The following NCAPD3 variants were observed in gnomAD, a reference collection of about 807,000 sequenced individuals.
The protein encoded by NCAPD3 is condensin-2 complex subunit D3.
A neutral mutation model predicts 182.9 loss-of-function variants in NCAPD3; 105 were observed. The ratio of observed to expected loss-of-function variants is 0.57; its 90% confidence interval spans 0.49 to 0.68. The LOEUF is 0.68. NCAPD3 is among the 30% of genes least tolerant of loss of function. The pLI is 0.00. For synonymous variants in NCAPD3, 815 were observed against 679.9 expected (o/e 1.20, Z -3.09); for missense variants, 1,944 against 1,837.0 (o/e 1.06, Z -1.07).
chr11:134,222,633 G>A (rs1247686852), intron 1 of NCAPD3, among the ~76,000 whole-genome samples: 1 of 152,186 alleles, frequency 6.6e-6, no homozygotes, highest in African/African-American at 2.4e-5. Flanking sequence ...TAAAATAATA[G>A]ATATGTAAAA....
At chr11:134,177,644 A>C in intron 22 of NCAPD3, 187 bp from the exon 23 acceptor site, 1 of 594,110 alleles carries the variant, frequency 1.7e-6, no homozygotes. Flanking sequence ...AAAAATACCT[A>C]AGGAGAAATA....
chr11:134,155,617 A>G (rs964970833), intron 32 of NCAPD3, among the ~76,000 whole-genome samples: 1 of 152,172 alleles, frequency 6.6e-6, no homozygotes, highest in Non-Finnish European at 1.5e-5. Flanking sequence ...AGCTGCTAGG[A>G]AACAACCCAA....
intron 3 of NCAPD3, among the ~76,000 whole-genome samples, chr11:134,213,310 T>C (rs1373251380): frequency 6.6e-6 from 1 of 151,596 alleles, no homozygotes; most frequent in African/African-American, 2.4e-5. Flanking sequence ...GGTGACAGAC[T>C]GAGACCCTGG....
chr11:134,159,059 A>G (rs1198169911), intron 29 of NCAPD3, among the ~76,000 whole-genome samples: 1 of 152,236 alleles, frequency 6.6e-6, no homozygotes, highest in East Asian at 1.9e-4. Flanking sequence ...TTTCTTTACC[A>G]TTCATCCACT....
At chr11:134,153,266 C>A in intron 33 of NCAPD3, 23 bp downstream of exon 33, 4 of 1,614,010 alleles carry the variant, frequency 2.5e-6, no homozygotes, top group Middle Eastern at 1.6e-4. Flanking sequence ...ATCTATCAGC[C>A]CAGAAGGACA....
chr11:134,206,054 A>G (rs1937606268), intron 8 of NCAPD3, among the ~76,000 whole-genome samples: 1 of 152,216 alleles, frequency 6.6e-6, no homozygotes, highest in Non-Finnish European at 1.5e-5. Flanking sequence ...CAGTGAAACT[A>G]AGGCATGAGA....
chr11:134,154,907 G>A (rs1202514920), intron 32 of NCAPD3, among the ~76,000 whole-genome samples: 3 of 152,206 alleles, frequency 2.0e-5, no homozygotes, highest in Non-Finnish European at 4.4e-5. Context: ...ATCACTGCTA[G>A]ATCTGCTTAT....
At chr11:134,167,618 TGGG>T (rs1328408997) in intron 27 of NCAPD3, among the ~76,000 whole-genome samples, 1 of 69,690 alleles carries the variant, frequency 1.4e-5, no homozygotes, top group Non-Finnish European at 2.6e-5. Context: ...GAGATGAGCT[TGGG>T]GGAGGGGCAC....
At chr11:134,200,860 G>C (rs896455628) in intron 13 of NCAPD3, among the ~76,000 whole-genome samples, 1 of 152,100 alleles carries the variant, frequency 6.6e-6, no homozygotes, top group African/African-American at 2.4e-5. Flanking sequence ...TAAACAAAAT[G>C]TGGTGTATCC....
At position 134,152,766 on chromosome 11, in the gene NCAPD3, C is replaced by T. The variant is rs1419239522; in HGVS notation, c.*178G>A. ...ATCTCTATTATTTGACAGTGTTTAA[C>T]CAAATACATCATACAGAATAGAAGG... is the stretch of plus-strand genomic sequence containing the variant. On this transcript the variant is annotated 3_prime_UTR_variant, in exon 35 of 35. Coordinates refer to ENST00000534548, the MANE Select transcript of NCAPD3 (RefSeq NM_015261.3). 3.8e-6 allele frequency: 2 copies of T among 519,670 alleles called. No individual in the cohort carries two copies. Among genetic ancestry groups the T allele is most frequent in the Admixed American group, 3.6e-5 (1 of 27,904 alleles). The allele number at this position is 519,670 out of a possible 1,614,324, so 32.2% of individuals were successfully genotyped here.
chr11:134,187,632 C>T lies in NCAPD3; in HGVS notation c.2046-2106G>A, dbSNP rs764895230. Among the ~76,000 whole-genome samples, 25 of 151,934 alleles carry T rather than the reference C, an allele frequency of 1.6e-4. 1 individual carries two copies. Among genetic ancestry groups the T allele is most frequent in the Admixed American group, 1.1e-3 (16 of 15,210 alleles). ...TACACATTCCCAAATATTCTACCCA[C>T]GCCACTACTTCTGGGAAGCCACCCT... On this transcript the variant is annotated intron_variant, in intron 16 of 34. Coordinates refer to ENST00000534548, the MANE Select transcript of NCAPD3 (RefSeq NM_015261.3).
intron 16 of NCAPD3, 43 bp downstream of exon 16, chr11:134,192,646 C>T (rs200562114): frequency 6.5e-5 from 99 of 1,530,958 alleles, no homozygotes; most frequent in South Asian, 5.0e-4. Flanking sequence ...CAAAGTCCTA[C>T]GGCCTTCTTC....
At chr11:134,202,714 TA>T in intron 13 of NCAPD3, 101 bp downstream of exon 13, 2 of 882,758 alleles carry the variant, frequency 2.3e-6, no homozygotes, top group East Asian at 2.6e-5. Context: ...TAGGGGTGAA[TA>T]AATCAGAAAA....
chr11:134,200,126 A>C (rs1944719991), intron 13 of NCAPD3, among the ~76,000 whole-genome samples: 1 of 152,198 alleles, frequency 6.6e-6, no homozygotes, highest in Non-Finnish European at 1.5e-5. Flanking sequence ...TAAATGTGAG[A>C]GCTAAAACTA....
At chr11:134,168,818 G>A in intron 25 of NCAPD3, 99 bp downstream of exon 25, 2 of 1,468,496 alleles carry the variant, frequency 1.4e-6, no homozygotes, top group Non-Finnish European at 1.8e-6. Flanking sequence ...CCTGGGGCAG[G>A]GTCTGCGTCC....
At chr11:134,212,011 C>T (rs770017118) in intron 3 of NCAPD3, among the ~76,000 whole-genome samples, 2 of 152,072 alleles carry the variant, frequency 1.3e-5, no homozygotes, top group Non-Finnish European at 2.9e-5. Flanking sequence ...TGAACCCAAT[C>T]GCAATAAGCA....
At position 134,194,056 on chromosome 11, in the gene NCAPD3, A is replaced by G. The variant is rs756242873; in HGVS notation, c.1784T>C (p.Val595Ala). ...AAGAGACTGGAGGGCCTGCTTCCGG[A>G]CAGACACTGCAGGGTCCCGACACTG... is the stretch of plus-strand genomic sequence containing the variant. ...QDQCRDPAVS[V>A]RKQALQSLTE... Residue 595 changes from valine (V) to alanine (A), a missense_variant, in exon 15 of 35, where the codon GTC (valine) becomes GCC (alanine). Transcript: ENST00000534548. 1.9e-6 allele frequency: 3 copies of G among 1,614,070 alleles called. No homozygotes were observed. The highest frequency in any genetic ancestry group is 3.3e-5 in the Admixed American group (2 of 60,006).
intron 24 of NCAPD3, among the ~76,000 whole-genome samples, chr11:134,174,620 T>C (rs1382440192): frequency 1.3e-5 from 2 of 151,960 alleles, no homozygotes; most frequent in Admixed American, 6.6e-5. Flanking sequence ...GAAAGGCTGA[T>C]TAGCACATAT....
chr11:134,190,743 C>A (rs1259661075), intron 16 of NCAPD3, among the ~76,000 whole-genome samples: 1 of 152,200 alleles, frequency 6.6e-6, no homozygotes, highest in Admixed American at 6.5e-5. Flanking sequence ...TCCCAGAGTG[C>A]TGGGAATATA....
Sources: gnomAD v4.1 joint callset for allele counts (sites outside exome capture counted in the v4.1 genomes callset) on GRCh38, gnomAD v4.1.1 for gene constraint, MANE v1.5 for transcripts, NCBI Gene and HGNC (gene_info 2026-07-23, HGNC 2026-07-21) for gene names.